The following ADAMTS16 variants were observed in gnomAD, a reference collection of about 807,000 sequenced individuals.
ADAMTS16 encodes A disintegrin and metalloproteinase with thrombospondin motifs 16.
In ADAMTS16, 94 loss-of-function variants were observed where a neutral mutation model predicts 145.8. That is an observed-to-expected ratio of 0.64 (90% CI 0.55 to 0.77). The LOEUF (loss-of-function observed/expected upper bound fraction) is 0.77. Among genes scored for constraint, ADAMTS16 ranks in the 30% least tolerant of loss-of-function variants. The pLI, the probability that ADAMTS16 is intolerant of heterozygous loss-of-function variation, is 0.00. For missense variants in ADAMTS16, 1,585 were observed against 1,591.5 expected (o/e 1.00, Z 0.07); for synonymous variants, 659 against 604.3 (o/e 1.09, Z -1.33).
chr5:5,220,561 A>T (rs1736573218), intron 10 of ADAMTS16, among the ~76,000 whole-genome samples: 1 of 152,156 alleles, frequency 6.6e-6, no homozygotes, highest in Non-Finnish European at 1.5e-5. Context: ...CACAGCAGCC[A>T]CACGGCAGAG....
Position 5,303,786 on chromosome 5 carries a change from G to A in ADAMTS16, c.3186+20G>A, listed in dbSNP as rs1739900619. 1.2e-5 allele frequency: 20 copies of A among 1,609,208 alleles called. No homozygotes were observed. Among genetic ancestry groups the A allele is most frequent in the Middle Eastern group, 2.0e-4 (1 of 5,052 alleles). ...TCCCAGGTAGGTGCACTGGTCTCGC[G>A]GGAGCGAGGTTGACTAGCTCTCCCC... On this transcript the variant is annotated intron_variant, in intron 20 of 22. Coordinates refer to ENST00000274181, the MANE Select transcript of ADAMTS16 (RefSeq NM_139056.4).
At chr5:5,266,626 C>T (rs558654727) in intron 18 of ADAMTS16, among the ~76,000 whole-genome samples, 43 of 152,306 alleles carry the variant, frequency 2.8e-4, no homozygotes, top group African/African-American at 1.0e-3. Context: ...CCCAAAGGGA[C>T]GTCCTACTTG....
At chr5:5,142,335 G>A (rs1248674932) in intron 2 of ADAMTS16, 4 of 152,180 alleles carry the variant, frequency 2.6e-5, no homozygotes, top group African/African-American at 4.8e-5. Context: ...ACAACGTATC[G>A]TCTCCATGAC....
intron 3 of ADAMTS16, 147 bp from the exon 4 acceptor site, chr5:5,181,897 T>A: frequency 3.4e-6 from 3 of 872,418 alleles, no homozygotes; most frequent in East Asian, 2.7e-5. Context: ...TCAGCCGGGG[T>A]TTTTGAACCT....
intron 4 of ADAMTS16, among the ~76,000 whole-genome samples, 156 bp from the exon 5 acceptor site, chr5:5,185,896 C>T (rs1236458964): frequency 2.0e-5 from 3 of 152,176 alleles, no homozygotes; most frequent in African/African-American, 7.2e-5. Context: ...TAGTGTGCTA[C>T]TTTAATACAA....
rs1314935589 is a variant in ADAMTS16 at position 5,200,400 on chromosome 5, C to G, written c.1451+131C>G. The G allele has an allele frequency of 4.9e-6, 6 of 1,223,316 alleles. No homozygotes were observed. In the East Asian group the frequency reaches 1.2e-4, roughly 25 times the overall value. 75.8% of individuals were successfully genotyped at this position (1,223,316 alleles called of 1,614,324 possible). A position where few individuals can be genotyped will look rare whatever the true frequency, so the allele number is the denominator to read the frequency against. On this transcript the variant is annotated intron_variant, in intron 9 of 22. Transcript: ENST00000274181. ...GGTTCCCTTTGAAGGTGTCTTGAGACATTCAGTTGACCGAAGAGTTTGCTA... is the reference window on the plus strand; with the variant it reads ...GGTTCCCTTTGAAGGTGTCTTGAGAGATTCAGTTGACCGAAGAGTTTGCTA...
intron 3 of ADAMTS16, among the ~76,000 whole-genome samples, chr5:5,170,621 G>T (rs540247718): frequency 3.3e-5 from 5 of 151,838 alleles, no homozygotes; most frequent in Admixed American, 1.3e-4. Flanking sequence ...CAGGTGATCC[G>T]CCCGCCTCAG....
chr5:5,233,751 G>A (rs56307540), intron 12 of ADAMTS16, among the ~76,000 whole-genome samples: 20,666 of 152,156 alleles, frequency 0.14, 1,786 homozygotes, highest in South Asian at 0.22. Context: ...ATTGATGGGC[G>A]TTTAGGTTGA....
intron 18 of ADAMTS16, among the ~76,000 whole-genome samples, chr5:5,274,961 G>A (rs897252389): frequency 2.6e-5 from 4 of 152,046 alleles, no homozygotes; most frequent in Admixed American, 1.3e-4. Flanking sequence ...TAAAACCGTG[G>A]CACATGCTTC....
intron 1 of ADAMTS16, 38 bp from the exon 2 acceptor site, chr5:5,140,626 C>T (rs1428760644): frequency 2.0e-6 from 3 of 1,529,656 alleles, no homozygotes; most frequent in Non-Finnish European, 2.6e-6. Flanking sequence ...CCCGCGGACC[C>T]CGCCGTCTCA....
chr5:5,152,396 T>C (rs898072306), intron 3 of ADAMTS16, among the ~76,000 whole-genome samples: 2 of 152,258 alleles, frequency 1.3e-5, no homozygotes, highest in Non-Finnish European at 2.9e-5. Flanking sequence ...CAGGGTTTCA[T>C]TGCTGTCGGC....
chr5:5,265,985 AGTGTGTGTGTGTGTGTGTGT>A (rs71604122), intron 18 of ADAMTS16, among the ~76,000 whole-genome samples: 4 of 141,364 alleles, frequency 2.8e-5, no homozygotes, highest in Non-Finnish European at 4.6e-5. Context: ...GACTTAAAGA[AGTGTGTGTGTGTGTGTGTGT>A]GTGTGTGTGT....
At position 5,318,197 on chromosome 5, in the gene ADAMTS16, C is replaced by T; in HGVS notation, c.3475C>T (p.Pro1159Ser). 6.4e-7 allele frequency: 1 copy of T among 1,564,728 alleles called. No individual in the cohort carries two copies. The highest frequency in any genetic ancestry group is 8.7e-7 in the Non-Finnish European group (1 of 1,150,910). ...CGTGCAGTGCCTGGCTGGGGGCCGG[C>T]CGGCCTCAGGCTGCCTCCTGCACCA... ...RSVQCLAGGR[P>S]ASGCLLHQKP... Residue 1159 changes from proline (P) to serine (S), a missense_variant, in exon 22 of 23, where the codon CCG becomes TCG. By Grantham distance (74) the Pro-to-Ser change is moderately conservative (BLOSUM62 -1). Transcript: ENST00000274181.
chr5:5,141,900 T>C (rs1734178698), intron 2 of ADAMTS16, among the ~76,000 whole-genome samples: 1 of 152,076 alleles, frequency 6.6e-6, no homozygotes, highest in Admixed American at 6.6e-5. Context: ...TTAAAAAAAA[T>C]TGTCACAGTG....
intron 20 of ADAMTS16, among the ~76,000 whole-genome samples, chr5:5,305,666 A>G (rs1417371232): frequency 6.6e-6 from 1 of 152,172 alleles, no homozygotes. Context: ...CTGTAAGCCT[A>G]AAGATGTGAG....
Position 5,260,990 on chromosome 5 carries a change from C to G in ADAMTS16, c.2663-1667C>G, listed in dbSNP as rs1346428401. 2.6e-5 allele frequency among the ~76,000 whole-genome samples: 4 copies of G among 152,186 alleles called. No individual in the cohort carries two copies. In the East Asian group the frequency reaches 7.7e-4, roughly 29 times the overall value. On this transcript the variant is annotated intron_variant, in intron 17 of 22. Coordinates refer to ENST00000274181, the MANE Select transcript of ADAMTS16 (RefSeq NM_139056.4). ...CCATCTGAGTTGTACACGGCTTGGG[C>G]TGCAGAGGAGTGAGAACAGGTGTTC...
chr5:5,256,854 G>A (rs1224620347), intron 17 of ADAMTS16, among the ~76,000 whole-genome samples: 9 of 152,126 alleles, frequency 5.9e-5, no homozygotes, highest in Admixed American at 5.9e-4. Flanking sequence ...GTAAGAGTTT[G>A]GTTAAGAATT....
In ADAMTS16 at chr5:5,222,792, A is replaced by G; in HGVS notation, c.1609A>G (p.Ile537Val). ...ACCTTTTACAAAATTTCTTTAGGAC[A>G]TCTGTAAAGCCCTGTGGTGCCATCG... is the stretch of plus-strand genomic sequence containing the variant. The part of the protein sequence containing the change: ...KLCMLDFKKD[I>V]CKALWCHRIG... The change falls in exon 11 of 23, where the codon ATC (isoleucine) becomes GTC (valine). Residue 537 changes from isoleucine (I) to valine (V), a missense_variant. Transcript: ENST00000274181. The G allele has an allele frequency of 6.2e-7, 1 of 1,613,994 alleles. No homozygotes were observed.
rs79939624 is a variant in ADAMTS16 at position 5,293,809 on chromosome 5, G to A, written c.2790-9459G>A. Reference sequence around the variant, plus strand: ...GGTACTTGGTGTGACCAAATGAACCGTTAGGTCTGGACGTAAAGGAAGCAA... The same window carrying A: ...GGTACTTGGTGTGACCAAATGAACCATTAGGTCTGGACGTAAAGGAAGCAA... On this transcript the variant is annotated intron_variant, in intron 18 of 22. Transcript: ENST00000274181. 5.9e-3 allele frequency among the ~76,000 whole-genome samples: 900 copies of A among 152,316 alleles called. 13 individuals are homozygous for A. The highest frequency in any genetic ancestry group is 0.021 in the African/African-American group (853 of 41,564).
Sources: allele counts gnomAD v4.1 joint callset (sites outside exome capture counted in the v4.1 genomes callset), GRCh38; gene constraint gnomAD v4.1.1; transcripts MANE v1.5; gene names NCBI Gene and HGNC (gene_info 2026-07-23, HGNC 2026-07-21).